The following SCD5 variants were observed in gnomAD, a reference collection of about 807,000 sequenced individuals.
The protein encoded by SCD5 is stearoyl-CoA desaturase 5.
A neutral mutation model predicts 30.4 loss-of-function variants in SCD5; 20 were observed. The ratio of observed to expected loss-of-function variants is 0.66; its 90% CI spans 0.46 to 0.96. SCD5 has a LOEUF of 0.96. Ranked by LOEUF, SCD5 falls within the 40% of genes least tolerant of loss-of-function variation. The pLI is 0.00. For synonymous variants in SCD5, 173 were observed against 176.4 expected (o/e 0.98, Z 0.16); for missense variants, 381 against 443.3 (o/e 0.86, Z 1.26).
chr4:82,721,584 AG>A (rs1397800402), intron 1 of SCD5, among the ~76,000 whole-genome samples: 1 of 152,216 alleles, frequency 6.6e-6, no homozygotes, highest in Non-Finnish European at 1.5e-5. Flanking sequence ...ATGTCCTCAT[AG>A]GAAGAGGAAA....
In SCD5 at chr4:82,680,704, T is replaced by C. The variant is rs550325800; in HGVS notation, c.569+3A>G. 1.5e-5 allele frequency: 24 copies of C among 1,614,126 alleles called. 1 individual carries two copies. The South Asian group carries it at 2.5e-4, about 17-fold the overall frequency. ...CAGCTCTCCGTCATGCCCATTCACT[T>C]ACTTTCTCTGGATCCGGACCACAGG... On this transcript the variant is annotated splice_donor_region_variant and intron_variant, in intron 3 of 4. Coordinates refer to ENST00000319540, the MANE Select transcript of SCD5 (RefSeq NM_001037582.3).
Position 82,629,791 on chromosome 4 carries a change from GTCCC to G in SCD5, c.*1532_*1535del, listed in dbSNP as rs1727249656. 1 of 152,172 alleles carries G rather than the reference GTCCC, an allele frequency of 6.6e-6. No homozygotes were observed. The highest frequency in any genetic ancestry group is 2.4e-5 in the African/African-American group (1 of 41,430). 9.4% of individuals were successfully genotyped at this position (152,172 alleles called of 1,614,324 possible). A position where few individuals can be genotyped will look rare whatever the true frequency, so the allele number is the denominator to read the frequency against. On this transcript the variant is annotated 3_prime_UTR_variant, in exon 5 of 5. Transcript: ENST00000319540. ...TAACATCTAACACAAAGGGCACACT[GTCCC>G]ATTAATTCCACATGCACTTTACAAA... is the stretch of plus-strand genomic sequence containing the variant.
chr4:82,691,103 G>A (rs1449117649), intron 2 of SCD5, among the ~76,000 whole-genome samples: 2 of 152,176 alleles, frequency 1.3e-5, no homozygotes, highest in Non-Finnish European at 1.5e-5. Flanking sequence ...TTGGCTCACT[G>A]CAACCTCTGC....
chr4:82,775,052 C>T (rs530247388), intron 1 of SCD5, among the ~76,000 whole-genome samples: 31 of 152,354 alleles, frequency 2.0e-4, no homozygotes, highest in African/African-American at 7.2e-4. Flanking sequence ...TCCTCTCCCC[C>T]ACAGCCTGCC....
intron 1 of SCD5, among the ~76,000 whole-genome samples, chr4:82,712,297 T>TACATATATA (rs1560540874): frequency 5.9e-5 from 2 of 33,764 alleles, no homozygotes; most frequent in Non-Finnish European, 1.3e-4. Flanking sequence ...TATATATATA[T>TACATATATA]TTTATTTTTA....
chr4:82,788,443 T>C (rs1360260508), intron 1 of SCD5, among the ~76,000 whole-genome samples: 1 of 152,210 alleles, frequency 6.6e-6, no homozygotes, highest in East Asian at 1.9e-4. Context: ...CAGGCTGGAG[T>C]GCAGCGGCAT....
At chr4:82,668,808 C>T (rs927859921) in intron 3 of SCD5, among the ~76,000 whole-genome samples, 1 of 152,196 alleles carries the variant, frequency 6.6e-6, no homozygotes, top group African/African-American at 2.4e-5. Flanking sequence ...CATGGTTGTA[C>T]TTAAAAGCCC....
chr4:82,702,651 G>A (rs950645833), intron 2 of SCD5, among the ~76,000 whole-genome samples: 3 of 152,172 alleles, frequency 2.0e-5, no homozygotes, highest in African/African-American at 7.2e-5. Context: ...GCTATGGCAT[G>A]ACTTGTCCAT....
At chr4:82,714,982 A>T (rs992275674) in intron 1 of SCD5, among the ~76,000 whole-genome samples, 11 of 151,842 alleles carry the variant, frequency 7.2e-5, no homozygotes, top group Admixed American at 7.2e-4. Context: ...CACACCTGTT[A>T]TCCCAGCACT....
intron 3 of SCD5, among the ~76,000 whole-genome samples, chr4:82,658,467 C>CTTTTTTTT (rs33912415): frequency 1.9e-5 from 2 of 105,546 alleles, no homozygotes; most frequent in East Asian, 3.0e-4. Context: ...GGTGGATAAG[C>CTTTTTTTT]TTTTTTTTTT....
rs183674198 is a variant in SCD5, at chr4:82,777,435, A to G, written c.232+20871T>C. ...AGGGCTAAGGCCTATGGTTTAGTCAATTCCCTGGGAAACAGGTGCTGAAAA... is the reference window on the plus strand; with the variant it reads ...AGGGCTAAGGCCTATGGTTTAGTCAGTTCCCTGGGAAACAGGTGCTGAAAA... On this transcript the variant is annotated intron_variant, in intron 1 of 4. Coordinates refer to ENST00000319540, the MANE Select transcript of SCD5 (RefSeq NM_001037582.3). Among the ~76,000 whole-genome samples the G allele has an allele frequency of 1.1e-3, 172 of 152,340 alleles. 1 individual carries two copies. The highest frequency in any genetic ancestry group is 4.1e-3 in the African/African-American group (169 of 41,572).
intron 2 of SCD5, among the ~76,000 whole-genome samples, chr4:82,702,635 G>A (rs6820404): frequency 0.053 from 8,007 of 152,228 alleles, 275 homozygotes; most frequent in South Asian, 0.1. Flanking sequence ...ATCCCAAACA[G>A]AGACAGCTAT....
chr4:82,692,781 G>A (rs1185297209), intron 2 of SCD5, among the ~76,000 whole-genome samples: 1 of 152,224 alleles, frequency 6.6e-6, no homozygotes. Flanking sequence ...AAACACACCA[G>A]AAGGCAAACT....
intron 1 of SCD5, among the ~76,000 whole-genome samples, chr4:82,727,690 T>G (rs559906925): frequency 1.3e-5 from 2 of 152,300 alleles, no homozygotes; most frequent in Non-Finnish European, 2.9e-5. Context: ...CTCCCCTTTC[T>G]GGCCTTGAGA....
intron 3 of SCD5, among the ~76,000 whole-genome samples, chr4:82,640,366 T>G (rs1727517369): frequency 1.3e-5 from 2 of 152,148 alleles, no homozygotes; most frequent in Non-Finnish European, 2.9e-5. Flanking sequence ...CCAGGCACAT[T>G]GCCTCTTCCT....
chr4:82,658,630 C>CTTTTTTTTTTT (rs57727794), intron 3 of SCD5, among the ~76,000 whole-genome samples: 7 of 116,912 alleles, frequency 6.0e-5, no homozygotes, highest in East Asian at 2.5e-4. Flanking sequence ...CCACACCTGG[C>CTTTTTTTTTTT]TTTTTTTTTT....
At chr4:82,699,619 T>A (rs1281775750) in intron 2 of SCD5, among the ~76,000 whole-genome samples, 2 of 147,024 alleles carry the variant, frequency 1.4e-5, no homozygotes, top group Admixed American at 7.0e-5. Context: ...CAGGCTGGAG[T>A]GCAATGGCCC....
chr4:82,762,675 G>A (rs755195048), intron 1 of SCD5, among the ~76,000 whole-genome samples: 6 of 152,204 alleles, frequency 3.9e-5, no homozygotes, highest in African/African-American at 9.6e-5. Context: ...TGGGTGGAGC[G>A]AGCTGGTGGG....
In SCD5 at chr4:82,757,528, G is replaced by A. The variant is rs150487481; in HGVS notation, c.232+40778C>T. Among the ~76,000 whole-genome samples, 132 of 152,300 alleles carry A rather than the reference G, an allele frequency of 8.7e-4. 1 individual carries two copies. The Middle Eastern group carries it at 0.027, about 31-fold the overall frequency. On this transcript the variant is annotated intron_variant, in intron 1 of 4. Transcript: ENST00000319540. ...GCTGAGGAAACCAAAATCCAGAGACGGGAATTATACTGCCTGAAGCCACAC... is the reference window on the plus strand; with the variant it reads ...GCTGAGGAAACCAAAATCCAGAGACAGGAATTATACTGCCTGAAGCCACAC...
Sources: gnomAD v4.1 joint callset for allele counts (sites outside exome capture counted in the v4.1 genomes callset) on GRCh38, gnomAD v4.1.1 for gene constraint, MANE v1.5 for transcripts, NCBI Gene and HGNC (gene_info 2026-07-23, HGNC 2026-07-21) for gene names.